DIP2B: variants seen among roughly 807,000 people sequenced by gnomAD.
DIP2B encodes DIP2 acetate--CoA ligase B (putative), also known as disco-interacting protein 2 homolog B.
DIP2B carries 76 observed loss-of-function variants against 198.0 expected under a neutral mutation model. The observed-to-expected ratio is 0.38, with a 90% CI of 0.32 to 0.46. The LOEUF (loss-of-function observed/expected upper bound fraction) is 0.46. Ranked by LOEUF, DIP2B falls within the 20% of genes least tolerant of loss-of-function variation. The probability of loss-of-function intolerance (pLI) is 0.99; values close to 1 mark genes in which losing one functional copy is unlikely to be tolerated. For missense variants in DIP2B, 1,559 were observed against 1,978.4 expected (o/e 0.79, Z 4.02); for synonymous variants, 701 against 739.1 (o/e 0.95, Z 0.84).
intron 4 of DIP2B, among the ~76,000 whole-genome samples, chr12:50,660,705 CT>C (rs1401167397): frequency 6.6e-6 from 1 of 152,090 alleles, no homozygotes; most frequent in East Asian, 1.9e-4. Flanking sequence ...ATTTGTACTC[CT>C]AAACCAAATG....
intron 37 of DIP2B, among the ~76,000 whole-genome samples, chr12:50,742,394 C>CAAAAAAAAAAAAAAAAAAAAAAAAAAAAA (rs59566626): frequency 4.2e-5 from 2 of 47,494 alleles, no homozygotes; most frequent in Non-Finnish European, 6.8e-5. Context: ...GAGACTGTCT[C>CAAAAAAAAAAAAAAAAAAAAAAAAAAAAA]AAAAAAAAAA....
At chr12:50,706,695 C>T (rs980195026) in intron 21 of DIP2B, 30 bp downstream of exon 21, 2 of 1,610,670 alleles carry the variant, frequency 1.2e-6, no homozygotes, top group Non-Finnish European at 8.5e-7. Context: ...AATGTTAGCA[C>T]CTTTTAATGG....
chr12:50,733,254 CTTTTT>C (rs10538769), intron 32 of DIP2B, among the ~76,000 whole-genome samples: 2 of 137,320 alleles, frequency 1.5e-5, no homozygotes, highest in Non-Finnish European at 1.6e-5. Flanking sequence ...TTTTTTCTTT[CTTTTT>C]TTTTTTTTTT....
chr12:50,735,556 C>G (rs1190737561), intron 34 of DIP2B, among the ~76,000 whole-genome samples: 1 of 152,050 alleles, frequency 6.6e-6, no homozygotes, highest in East Asian at 1.9e-4. Flanking sequence ...CAACCTCTGC[C>G]TCCCAGATTC....
chr12:50,721,202 A>G, intron 25 of DIP2B, 71 bp from the exon 26 acceptor site: 1 of 1,557,186 alleles, frequency 6.4e-7, no homozygotes, highest in South Asian at 1.2e-5. Context: ...TATGATGTTG[A>G]ATTGGCTGTG....
At chr12:50,526,685 G>A (rs1352447591) in intron 1 of DIP2B, among the ~76,000 whole-genome samples, 3 of 113,420 alleles carry the variant, frequency 2.6e-5, no homozygotes, top group African/African-American at 1.0e-4. Context: ...TGCCCAGGCT[G>A]GAGTGCAATG....
rs564186690 is a variant in DIP2B, at chr12:50,670,363, A to G, written c.428-823A>G. On this transcript the variant is annotated intron_variant, in intron 4 of 37. Coordinates refer to ENST00000301180, the MANE Select transcript of DIP2B (RefSeq NM_173602.3). The stretch of plus-strand genomic sequence containing the variant: ...AATAAGTCCAGGCTAAGGATTGTTT[A>G]CGCCACTTCATTCCCTAGCACCTAG... Among the ~76,000 whole-genome samples, 47 of 152,014 alleles carry G rather than the reference A, an allele frequency of 3.1e-4. 2 individuals carry two copies. The South Asian group carries it at 9.6e-3, about 31-fold the overall frequency.
chr12:50,590,323 C>T (rs897871957), intron 1 of DIP2B, among the ~76,000 whole-genome samples: 1 of 151,838 alleles, frequency 6.6e-6, no homozygotes, highest in Non-Finnish European at 1.5e-5. Context: ...ATTTGTGGCC[C>T]CCACTGGAGA....
intron 8 of DIP2B, chr12:50,679,124 GTTTTAACATTACAA>G: frequency 2.1e-6 from 1 of 467,674 alleles, no homozygotes; most frequent in African/African-American, 2.0e-5. Flanking sequence ...ATCCATAGAT[GTTTTAACATTACAA>G]GAGGATTTTA....
In DIP2B at chr12:50,708,415, G is replaced by C. The variant is rs1592137186; in HGVS notation, c.2535-33G>C. 1.7e-5 allele frequency: 26 copies of C among 1,539,900 alleles called. No homozygotes were observed. The East Asian group carries it at 6.1e-4, about 36-fold the overall frequency. ...AAAACAAATAGGACTGGTTGTGAAGGGAGTCCTGATGTGTTTGATCTGTCT... is the reference window on the plus strand; with the variant it reads ...AAAACAAATAGGACTGGTTGTGAAGCGAGTCCTGATGTGTTTGATCTGTCT... On this transcript the variant is annotated intron_variant, in intron 21 of 37. Transcript: ENST00000301180.
At chr12:50,664,830 GTTTTTGTTTTTTTTTTTTTTTTT>G (rs1938720078) in intron 4 of DIP2B, among the ~76,000 whole-genome samples, 5 of 99,644 alleles carry the variant, frequency 5.0e-5, no homozygotes, top group Admixed American at 1.2e-4. Flanking sequence ...TCCTTTTTTG[GTTTTTGTTTTTTTTTTTTTTTTT>G]TTTTTTTTTT....
intron 4 of DIP2B, among the ~76,000 whole-genome samples, chr12:50,663,591 G>A (rs981592564): frequency 1.2e-4 from 6 of 50,704 alleles, no homozygotes; most frequent in Admixed American, 5.8e-4. Flanking sequence ...AAACAGTTGT[G>A]GCCAGGTGTG....
chr12:50,540,053 GTTTTTTTTT>G (rs60978324), intron 1 of DIP2B, among the ~76,000 whole-genome samples: 63 of 44,162 alleles, frequency 1.4e-3, no homozygotes, highest in African/African-American at 5.2e-3. Context: ...TTGTTTCTGT[GTTTTTTTTT>G]TTTTTTTTTT....
chr12:50,698,521 A>G, intron 18 of DIP2B, 54 bp downstream of exon 18: 2 of 1,574,670 alleles, frequency 1.3e-6, no homozygotes, highest in Admixed American at 3.7e-5. Context: ...CATCAGAGAT[A>G]ATAGAGCCTG....
At chr12:50,709,946 C>G (rs1225030570) in intron 22 of DIP2B, among the ~76,000 whole-genome samples, 2 of 152,192 alleles carry the variant, frequency 1.3e-5, no homozygotes, top group Non-Finnish European at 2.9e-5. Context: ...AGCTACTGCA[C>G]TCCAACCTGC....
chr12:50,740,421 G>A (rs995303437), intron 36 of DIP2B, among the ~76,000 whole-genome samples: 2 of 152,156 alleles, frequency 1.3e-5, no homozygotes, highest in Non-Finnish European at 2.9e-5. Context: ...CTTAGAAAAT[G>A]GGGATGACTG....
chr12:50,633,967 A>G (rs1938111612), intron 2 of DIP2B, among the ~76,000 whole-genome samples: 1 of 152,160 alleles, frequency 6.6e-6, no homozygotes, highest in South Asian at 2.1e-4. Flanking sequence ...TAACAAATTA[A>G]AATTTATAAG....
chr12:50,739,386 T>C lies in DIP2B; in HGVS notation c.4177-23T>C, dbSNP rs768351855. On this transcript the variant is annotated intron_variant, in intron 35 of 37. Coordinates refer to ENST00000301180, the MANE Select transcript of DIP2B (RefSeq NM_173602.3). ...ACAGTTGTGTGTCCCCAGTGAGTTG[T>C]GATCAAAGCACTTTTCTTGTAGATT... The C allele has an allele frequency of 1.0e-5, 16 of 1,596,260 alleles. No homozygotes were observed. The South Asian group carries it at 1.8e-4, about 18-fold the overall frequency.
At chr12:50,571,548 G>GTTTTTTTTTTT (rs71083600) in intron 1 of DIP2B, among the ~76,000 whole-genome samples, 1 of 85,778 alleles carries the variant, frequency 1.2e-5, no homozygotes, top group African/African-American at 5.0e-5. Context: ...AAACCTAGGC[G>GTTTTTTTTTTT]TTTTTTTTTT....
Sources: gnomAD v4.1 joint callset for allele counts (sites outside exome capture counted in the v4.1 genomes callset) on GRCh38, gnomAD v4.1.1 for gene constraint, MANE v1.5 for transcripts, NCBI Gene and HGNC (gene_info 2026-07-23, HGNC 2026-07-21) for gene names.